TANGO2: variants seen among roughly 807,000 people sequenced by gnomAD.
TANGO2 encodes the protein transport and Golgi organization protein 2 homolog.
In TANGO2, 26 loss-of-function variants were observed where a neutral mutation model predicts 39.1. That is an observed-to-expected ratio of 0.67 (90% CI 0.49 to 0.92). The LOEUF (loss-of-function observed/expected upper bound fraction) is 0.92. TANGO2 is among the 40% of genes least tolerant of loss of function. The probability of loss-of-function intolerance (pLI) is 0.00; values close to 1 mark genes in which losing one functional copy is unlikely to be tolerated. For synonymous variants in TANGO2, 131 were observed against 144.5 expected (o/e 0.91, Z 0.67); for missense variants, 326 against 360.1 (o/e 0.91, Z 0.77).
Position 20,061,836 on chromosome 22 carries a change from G to A in TANGO2, c.605+153G>A, listed in dbSNP as rs2048447364. 3 of 986,168 alleles carry A rather than the reference G, an allele frequency of 3.0e-6. No individual in the cohort carries two copies. In the South Asian group the frequency reaches 5.7e-5, roughly 19 times the overall value. The allele number at this position is 986,168 out of a possible 1,614,324, so 61.1% of individuals were successfully genotyped here. ...GATGGATATCCTGTCCTCCCTGCCTGTCCCCTTGAGCCAGCTGAGGTTTCC... is the reference window on the plus strand; with the variant it reads ...GATGGATATCCTGTCCTCCCTGCCTATCCCCTTGAGCCAGCTGAGGTTTCC... On this transcript the variant is annotated intron_variant, in intron 7 of 8. Transcript: ENST00000327374.
intron 8 of TANGO2, 133 bp downstream of exon 8, chr22:20,063,575 G>A (rs1189284336): frequency 8.3e-6 from 7 of 838,478 alleles, no homozygotes; most frequent in Non-Finnish European, 1.3e-5. Flanking sequence ...CAGAGCTTCT[G>A]CCCTGTCCAG....
intron 2 of TANGO2, among the ~76,000 whole-genome samples, chr22:20,040,797 T>C (rs1016458776): frequency 1.3e-5 from 2 of 152,110 alleles, no homozygotes; most frequent in South Asian, 2.1e-4. Context: ...AGAAGGGACA[T>C]GGAGACTTGG....
intron 3 of TANGO2, among the ~76,000 whole-genome samples, chr22:20,044,359 C>T (rs536655063): frequency 1.3e-5 from 2 of 150,862 alleles, no homozygotes; most frequent in South Asian, 4.2e-4. Context: ...CCTGTCTCTA[C>T]AAAAAAAAAT....
At chr22:20,018,310 T>G (rs559691342), upstream of TANGO2, among the ~76,000 whole-genome samples, 1 of 152,208 alleles carries the variant, frequency 6.6e-6, no homozygotes, top group Non-Finnish European at 1.5e-5. Context: ...GTCCCTAGAA[T>G]AGGGGCCCTC....
intron 3 of TANGO2, among the ~76,000 whole-genome samples, chr22:20,045,935 C>T (rs2045092573): frequency 6.6e-6 from 1 of 151,896 alleles, no homozygotes; most frequent in Non-Finnish European, 1.5e-5. Flanking sequence ...TCTCGGTGCC[C>T]CTAGATCTTG....
intron 2 of TANGO2, among the ~76,000 whole-genome samples, chr22:20,041,089 G>A (rs190124307): frequency 5.3e-4 from 81 of 152,368 alleles, no homozygotes; most frequent in East Asian, 1.7e-3. Flanking sequence ...TGAGTGGGGG[G>A]CACACATGTG....
intron 8 of TANGO2, 146 bp downstream of exon 8, chr22:20,063,588 G>A (rs187613443): frequency 4.0e-6 from 3 of 748,670 alleles, no homozygotes; most frequent in East Asian, 5.8e-5. Flanking sequence ...CTGTCCAGAC[G>A]CAGCTGCAGG....
At chr22:20,063,172 GAGAAA>G (rs2048697411) in intron 7 of TANGO2, 161 bp from the exon 8 acceptor site, 8 of 581,640 alleles carry the variant, frequency 1.4e-5, no homozygotes. Flanking sequence ...AAGAAAATAA[GAGAAA>G]AGAGAAGAGA....
chr22:20,062,429 C>T (rs975268091), intron 7 of TANGO2, among the ~76,000 whole-genome samples: 4 of 152,178 alleles, frequency 2.6e-5, no homozygotes, highest in Non-Finnish European at 5.9e-5. Flanking sequence ...GACCATCTCC[C>T]ACTCCTCCCC....
At chr22:20,028,883 C>G (rs184269508) in intron 1 of TANGO2, among the ~76,000 whole-genome samples, 117 of 152,316 alleles carry the variant, frequency 7.7e-4, no homozygotes, top group Non-Finnish European at 8.8e-5. Flanking sequence ...AAGGTTACTG[C>G]CCACCCTCCA....
intron 1 of TANGO2, among the ~76,000 whole-genome samples, chr22:20,024,622 C>A (rs2146707175): frequency 6.6e-6 from 1 of 152,330 alleles, no homozygotes; most frequent in African/African-American, 2.4e-5. Flanking sequence ...GCTTAGTCAC[C>A]CTCTGTTCAG....
At chr22:20,020,719 A>G (rs1249434733), upstream of TANGO2, among the ~76,000 whole-genome samples, 1 of 152,074 alleles carries the variant, frequency 6.6e-6, no homozygotes, top group African/African-American at 2.4e-5. Flanking sequence ...ACCAGGACGC[A>G]GTCTGAGGGG....
intron 1 of TANGO2, among the ~76,000 whole-genome samples, chr22:20,027,790 A>G (rs2041067558): frequency 1.3e-5 from 2 of 150,126 alleles, no homozygotes; most frequent in African/African-American, 4.9e-5. Context: ...TTTTATTATT[A>G]TTTATTTTAT....
At chr22:20,018,420 C>T (rs149771367), upstream of TANGO2, among the ~76,000 whole-genome samples, 8 of 152,290 alleles carry the variant, frequency 5.3e-5, no homozygotes, top group South Asian at 4.1e-4. Flanking sequence ...TAGGAGTAGA[C>T]GTAATGAGTC....
At chr22:20,041,270 C>T (rs1038692252) in intron 2 of TANGO2, among the ~76,000 whole-genome samples, 1 of 152,010 alleles carries the variant, frequency 6.6e-6, no homozygotes, top group Non-Finnish European at 1.5e-5. Flanking sequence ...CTCAACCTCT[C>T]GAGCAGCTGG....
chr22:20,061,689 TG>T lies in TANGO2; in HGVS notation c.605+9del, dbSNP rs1330014103. On this transcript the variant is annotated splice_region_variant and intron_variant, in intron 7 of 8. Transcript: ENST00000327374. ...GTGCTCAACAATGAAGAGGCGTGAG[TG>T]GGCGGGTCCTGCTGGGGTGAGCCCC... 1.3e-6 allele frequency: 2 copies of T among 1,544,914 alleles called. No homozygotes were observed. The highest frequency in any genetic ancestry group is 2.4e-5 in the East Asian group (1 of 40,818).
At chr22:20,020,329 C>T (rs917421249), upstream of TANGO2, among the ~76,000 whole-genome samples, 1 of 152,172 alleles carries the variant, frequency 6.6e-6, no homozygotes, top group Non-Finnish European at 1.5e-5. Flanking sequence ...GACTCTCCAC[C>T]TTTCTGCCAC....
chr22:20,043,518 A>T, intron 3 of TANGO2, 75 bp downstream of exon 3: 1 of 1,027,710 alleles, frequency 9.7e-7, no homozygotes, highest in Non-Finnish European at 1.5e-6. Flanking sequence ...GAGTGACCCT[A>T]ACTGAGTGGT....
upstream of TANGO2, chr22:20,020,992 G>A (rs898236053): frequency 1.3e-5 from 2 of 151,946 alleles, no homozygotes; most frequent in Non-Finnish European, 2.9e-5. Context: ...CCCAGCCAAC[G>A]GGACGCCGGC....
Sources: gnomAD v4.1 joint callset for allele counts (sites outside exome capture counted in the v4.1 genomes callset) on GRCh38, gnomAD v4.1.1 for gene constraint, MANE v1.5 for transcripts, NCBI Gene and HGNC (gene_info 2026-07-23, HGNC 2026-07-21) for gene names.